Variants in FSTL5 observed in about 807,000 individuals in gnomAD.
FSTL5 encodes follistatin-related protein 5.
Under a neutral mutation model 89.1 loss-of-function variants are expected in FSTL5, and 62 were observed. The observed-to-expected ratio is 0.70, with a 90% CI of 0.57 to 0.86. The LOEUF is 0.86. FSTL5 is among the 40% of genes least tolerant of loss of function. The pLI is 0.00. For missense variants in FSTL5, 1,057 were observed against 1,001.6 expected (o/e 1.06, Z -0.75); for synonymous variants, 383 against 346.2 (o/e 1.11, Z -1.18).
At chr4:162,110,807 TC>T (rs2111405998) in intron 2 of FSTL5, among the ~76,000 whole-genome samples, 1 of 151,934 alleles carries the variant, frequency 6.6e-6, no homozygotes, top group African/African-American at 2.4e-5. Context: ...TGTGAAAATT[TC>T]TAAAAATTTC....
At chr4:161,984,000 C>T (rs991122959) in intron 3 of FSTL5, among the ~76,000 whole-genome samples, 1 of 151,974 alleles carries the variant, frequency 6.6e-6, no homozygotes, top group Non-Finnish European at 1.5e-5. Context: ...TTTCTCTCTT[C>T]TATTATCTTT....
At chr4:161,984,084 A>G (rs1735900001) in intron 3 of FSTL5, among the ~76,000 whole-genome samples, 1 of 152,054 alleles carries the variant, frequency 6.6e-6, no homozygotes, top group African/African-American at 2.4e-5. Flanking sequence ...TTCTCCTGAC[A>G]CTTTCATAAT....
intron 3 of FSTL5, among the ~76,000 whole-genome samples, chr4:161,937,512 GC>G (rs1404874440): frequency 1.3e-5 from 2 of 152,088 alleles, no homozygotes; most frequent in African/African-American, 4.8e-5. Context: ...AAAACAATTT[GC>G]TACAAGCCTC....
At chr4:161,913,418 T>C (rs550864297) in intron 4 of FSTL5, among the ~76,000 whole-genome samples, 4 of 152,286 alleles carry the variant, frequency 2.6e-5, no homozygotes, top group African/African-American at 9.6e-5. Context: ...GGGGCCAAGA[T>C]ACAGCTTGGG....
At chr4:161,432,827 C>T (rs112220401) in intron 15 of FSTL5, among the ~76,000 whole-genome samples, 2,714 of 151,828 alleles carry the variant, frequency 0.018, 82 homozygotes, top group African/African-American at 0.062. Flanking sequence ...ACTAGAAAAC[C>T]TAAAAGAAAC....
chr4:161,917,796 C>G (rs1388389894), intron 4 of FSTL5, among the ~76,000 whole-genome samples: 1 of 152,108 alleles, frequency 6.6e-6, no homozygotes. Flanking sequence ...CATAAAATCT[C>G]CATTGCAAGT....
chr4:161,427,042 T>C (rs1295628072), intron 15 of FSTL5, among the ~76,000 whole-genome samples: 1 of 152,210 alleles, frequency 6.6e-6, no homozygotes, highest in African/African-American at 2.4e-5. Context: ...GTATTATAAG[T>C]ATACAAAATA....
intron 5 of FSTL5, among the ~76,000 whole-genome samples, chr4:161,773,837 G>A (rs547654945): frequency 6.6e-6 from 1 of 152,276 alleles, no homozygotes. Flanking sequence ...TCCCACTACT[G>A]GGTATCTACC....
intron 15 of FSTL5, among the ~76,000 whole-genome samples, chr4:161,440,117 T>C (rs955301475): frequency 4.6e-5 from 7 of 152,130 alleles, no homozygotes; most frequent in African/African-American, 1.7e-4. Context: ...AATGCTACTA[T>C]TTATTTTTCC....
chr4:161,835,409 C>T (rs359125), intron 4 of FSTL5, among the ~76,000 whole-genome samples: 146,753 of 151,996 alleles, frequency 0.97, 70,992 homozygotes, highest in Non-Finnish European at 1. Context: ...ACTTCATGTC[C>T]AAAACACCAA....
In FSTL5 at chr4:162,081,741, A is replaced by G. The variant is rs573336458; in HGVS notation, c.126+29530T>C. 2.6e-4 allele frequency among the ~76,000 whole-genome samples: 40 copies of G among 151,784 alleles called. 1 individual carries two copies. In the South Asian group the frequency reaches 7.0e-3, roughly 27 times the overall value. On this transcript the variant is annotated intron_variant, in intron 2 of 15. Coordinates refer to ENST00000306100, the MANE Select transcript of FSTL5 (RefSeq NM_020116.5). ...ACCCTGTCCATAGATATTGTAAAACAAAGAATATATATAATATGAAAATAG... is the reference window on the plus strand; with the variant it reads ...ACCCTGTCCATAGATATTGTAAAACGAAGAATATATATAATATGAAAATAG...
chr4:161,929,207 T>C (rs1734211369), intron 3 of FSTL5, among the ~76,000 whole-genome samples: 1 of 150,848 alleles, frequency 6.6e-6, no homozygotes, highest in African/African-American at 2.4e-5. Flanking sequence ...GCACCATTTG[T>C]TGACAAGAAT....
intron 1 of FSTL5, among the ~76,000 whole-genome samples, chr4:162,118,761 G>T (rs1038441685): frequency 3.6e-4 from 54 of 151,946 alleles, no homozygotes; most frequent in Admixed American, 3.3e-3. Context: ...AGGGAAAACA[G>T]ATCCTATACA....
intron 4 of FSTL5, among the ~76,000 whole-genome samples, chr4:161,803,512 T>A (rs568134431): frequency 6.6e-6 from 1 of 152,024 alleles, no homozygotes; most frequent in South Asian, 2.1e-4. Context: ...GACCAAAAAT[T>A]TATGTAAAAA....
intron 15 of FSTL5, among the ~76,000 whole-genome samples, chr4:161,410,288 G>A (rs1731542412): frequency 1.3e-5 from 2 of 151,746 alleles, no homozygotes; most frequent in South Asian, 4.2e-4. Context: ...TGAGAGACTT[G>A]AACACCCCAC....
At chr4:161,913,070 A>G (rs1428765921) in intron 4 of FSTL5, among the ~76,000 whole-genome samples, 1 of 152,210 alleles carries the variant, frequency 6.6e-6, no homozygotes, top group South Asian at 2.1e-4. Context: ...CTTGGGTGCC[A>G]TAAAAAACAT....
At chr4:161,454,525 T>G (rs2126399767) in intron 15 of FSTL5, among the ~76,000 whole-genome samples, 1 of 152,338 alleles carries the variant, frequency 6.6e-6, no homozygotes, top group Admixed American at 6.5e-5. Context: ...TAATACAATT[T>G]TATATTAATT....
intron 7 of FSTL5, among the ~76,000 whole-genome samples, chr4:161,599,241 C>CAA (rs1734143199): frequency 6.6e-6 from 1 of 152,014 alleles, no homozygotes; most frequent in Admixed American, 6.6e-5. Flanking sequence ...TTTACTGCAA[C>CAA]AACGAAGAAA....
chr4:161,602,183 G>A (rs1734268306), intron 7 of FSTL5, among the ~76,000 whole-genome samples: 1 of 145,438 alleles, frequency 6.9e-6, no homozygotes, highest in East Asian at 2.0e-4. Flanking sequence ...GAAAAAAAAA[G>A]AAAACAAAAA....
Sources: gnomAD v4.1 joint callset for allele counts (sites outside exome capture counted in the v4.1 genomes callset) on GRCh38, gnomAD v4.1.1 for gene constraint, MANE v1.5 for transcripts, NCBI Gene and HGNC (gene_info 2026-07-23, HGNC 2026-07-21) for gene names.